The following TRIM10 variants were observed in gnomAD, a reference collection of about 807,000 sequenced individuals.
The protein encoded by TRIM10 is tripartite motif containing 10, also known as tripartite motif-containing protein 10.
A neutral mutation model predicts 40.0 loss-of-function variants in TRIM10; 42 were observed. The observed-to-expected ratio is 1.05, with a 90% CI of 0.82 to 1.36. The LOEUF (loss-of-function observed/expected upper bound fraction) is 1.36, where lower values mean the gene tolerates loss of function less well. Ranked by LOEUF, TRIM10 falls within the 40% of genes most tolerant of loss-of-function variation. The pLI, the probability that TRIM10 is intolerant of heterozygous loss-of-function variation, is 0.00. For missense variants in TRIM10, 601 were observed against 608.3 expected, an observed-to-expected ratio of 0.99 and a Z score of 0.13; for synonymous variants, 260 against 239.5, an observed-to-expected ratio of 1.09 and a Z score of -0.79.
rs1772802231 is a variant in TRIM10, at chr6:30,158,678, C to T, written c.526-49G>A. 4.8e-6 allele frequency: 7 copies of T among 1,452,444 alleles called. No individual in the cohort carries two copies. The South Asian group carries it at 8.0e-5, about 17-fold the overall frequency. 90.0% of individuals were successfully genotyped at this position (1,452,444 alleles called of 1,614,324 possible). On this transcript the variant is annotated intron_variant, in intron 2 of 6. Transcript: ENST00000449742. ...AAGAGAAAGTTTGCTTCCTCCTTCTCCCTCTGCTCCTCTTCCTCCCCTGTC... is the reference window on the plus strand; with the variant it reads ...AAGAGAAAGTTTGCTTCCTCCTTCTTCCTCTGCTCCTCTTCCTCCCCTGTC...
At chr6:30,163,466 G>A (rs946248235), upstream of TRIM10, 8 of 621,656 alleles carry the variant, frequency 1.3e-5, no homozygotes, top group African/African-American at 5.5e-5. Context: ...GACCCACTCC[G>A]CTGATAGGTG....
At chr6:30,162,946 A>G (rs938266380), upstream of TRIM10, among the ~76,000 whole-genome samples, 217 of 146,562 alleles carry the variant, frequency 1.5e-3, no homozygotes, top group African/African-American at 3.7e-3. Flanking sequence ...AAATAAATAA[A>G]TAAATAAATA....
At chr6:30,158,713 A>G (rs1772806324) in intron 2 of TRIM10, 84 bp from the exon 3 acceptor site, 1 of 1,088,612 alleles carries the variant, frequency 9.2e-7, no homozygotes, top group Non-Finnish European at 1.4e-6. Flanking sequence ...CCCCAGGTAG[A>G]TCTGGAACTG....
upstream of TRIM10, chr6:30,163,828 C>G (rs775218966): frequency 5.6e-6 from 9 of 1,613,060 alleles, no homozygotes; most frequent in South Asian, 9.9e-5. Flanking sequence ...AGATGGGGGC[C>G]CAATCCTCGG....
At position 30,154,383 on chromosome 6, in the gene TRIM10, G is replaced by A. The variant is rs755239950; in HGVS notation, c.1032C>T (p.Asn344=). The change falls in exon 7 of 7, where the codon AAC becomes AAT. Residue 344 remains asparagine (N), a synonymous_variant. Transcript: ENST00000449742. ...AGGTGGCCCGGTCAAAACGTTGGGG[G>A]TTGTCTGGTGAGTTCTGCCATTTGT... ...FSYKWQNSPD[N]PQRFDRATCV... The A allele has an allele frequency of 1.9e-6, 3 of 1,613,002 alleles. No individual in the cohort carries two copies. The highest frequency in any genetic ancestry group is 2.5e-6 in the Non-Finnish European group (3 of 1,179,978).
rs1199508178 is a variant in TRIM10 at position 30,160,458 on chromosome 6, A to G, written c.401T>C (p.Phe134Ser). 9 of 1,613,984 alleles carry G rather than the reference A, an allele frequency of 5.6e-6. No individual in the cohort carries two copies. The highest frequency in any genetic ancestry group is 7.6e-6 in the Non-Finnish European group (9 of 1,180,012). ...ATAGGGAGCCGCTGCATCCTCCAGG[A>G]AGCGCATGGTGTGGGTAGCGTGCTC... ...AGEHATHTMR[F>S]LEDAAAPYRE... The change falls in exon 1 of 7, where the codon TTC becomes TCC. Residue 134 changes from phenylalanine to serine, a missense_variant. Transcript: ENST00000449742.
At chr6:30,163,566 G>A, upstream of TRIM10, 1 of 1,311,782 alleles carries the variant, frequency 7.6e-7, no homozygotes, top group Non-Finnish European at 1.0e-6. Flanking sequence ...CTCTCTCTCT[G>A]TCTCTTAGCC....
chr6:30,163,714 C>G, upstream of TRIM10: 1 of 1,612,112 alleles, frequency 6.2e-7, no homozygotes, highest in Non-Finnish European at 8.5e-7. Flanking sequence ...TGAAGGTGGT[C>G]CATGAGCTGC....
In TRIM10 at chr6:30,152,856, T is replaced by G. The variant is rs2857433; in HGVS notation, c.*1113A>C. 0.21 allele frequency: 32,094 copies of G among 152,184 alleles called. 3,768 individuals carry two copies. The highest frequency in any genetic ancestry group is 0.25 in the Non-Finnish European group (16,670 of 67,990). 9.4% of individuals were successfully genotyped at this position (152,184 alleles called of 1,614,324 possible). On this transcript the variant is annotated 3_prime_UTR_variant, in exon 7 of 7. Transcript: ENST00000449742. Reference sequence around the variant, plus strand: ...GTAGTCTCAATTCTTTAGACTAAAGTTCATAGGTCATCCAACTTATGCCCT... The same window carrying G: ...GTAGTCTCAATTCTTTAGACTAAAGGTCATAGGTCATCCAACTTATGCCCT...
At chr6:30,155,312 C>T (rs1480471228) in intron 6 of TRIM10, among the ~76,000 whole-genome samples, 2 of 152,096 alleles carry the variant, frequency 1.3e-5, no homozygotes, top group African/African-American at 2.4e-5. Flanking sequence ...GGGTTCCTTA[C>T]GTTCTAAAGA....
intron 1 of TRIM10, among the ~76,000 whole-genome samples, chr6:30,160,051 C>T (rs115407187): frequency 6.6e-6 from 1 of 152,324 alleles, no homozygotes; most frequent in African/African-American, 2.4e-5. Flanking sequence ...CTCAGACTCC[C>T]ATCCAAACAC....
rs1301055186 is a variant in TRIM10 at position 30,153,480 on chromosome 6, A to G, written c.*489T>C. Reference sequence around the variant, plus strand: ...TATAGAGCAGGTTTTTTTTTTCTCTATATTTTCAAGTCACCAGTGGCCACC... The same window carrying G: ...TATAGAGCAGGTTTTTTTTTTCTCTGTATTTTCAAGTCACCAGTGGCCACC... On this transcript the variant is annotated 3_prime_UTR_variant, in exon 7 of 7. Coordinates refer to ENST00000449742, the MANE Select transcript of TRIM10 (RefSeq NM_006778.4). 3.6e-6 allele frequency: 2 copies of G among 563,360 alleles called. No individual in the cohort carries two copies. The highest frequency in any genetic ancestry group is 6.3e-6 in the Non-Finnish European group (2 of 318,446). 34.9% of individuals were successfully genotyped at this position (563,360 alleles called of 1,614,324 possible). A position where few individuals can be genotyped will look rare whatever the true frequency, so the allele number is the denominator to read the frequency against.
Position 30,158,576 on chromosome 6 carries a change from C to A in TRIM10, c.579G>T (p.Arg193Ser), listed in dbSNP as rs777714494. 6.2e-7 allele frequency: 1 copy of A among 1,613,070 alleles called. No individual in the cohort carries two copies. The highest frequency in any genetic ancestry group is 8.5e-7 in the Non-Finnish European group (1 of 1,180,026). Residue 193 changes from arginine to serine, a missense_variant, in exon 3 of 7, where the codon AGG becomes AGT. Transcript: ENST00000449742. ...TGCTCTGCTGTTCCTCTAGAAACTT[C>A]CTCAGGTGTGCGAACTCAGAAATCA... ...QQVISEFAHL[R>S]KFLEEQQSIL...
At chr6:30,157,195 CAT>C in intron 4 of TRIM10, 141 bp from the exon 5 acceptor site, 2 of 1,116,804 alleles carry the variant, frequency 1.8e-6, no homozygotes, top group South Asian at 3.0e-5. Context: ...TCCCACTGCC[CAT>C]TTTTGGGCAT....
chr6:30,158,322 G>T, intron 3 of TRIM10, 77 bp downstream of exon 3: 1 of 1,248,298 alleles, frequency 8.0e-7, no homozygotes, highest in Non-Finnish European at 1.2e-6. Context: ...GAGTCAGGGA[G>T]ACATGGCTTA....
At chr6:30,163,950 A>T, upstream of TRIM10, 1 of 1,613,128 alleles carries the variant, frequency 6.2e-7, no homozygotes, top group Non-Finnish European at 8.5e-7. Context: ...CACGGCGAGA[A>T]GATCTACTTC....
At chr6:30,163,790 T>A, upstream of TRIM10, 1 of 1,613,006 alleles carries the variant, frequency 6.2e-7, no homozygotes, top group Non-Finnish European at 8.5e-7. Context: ...ACACACCTTC[T>A]GCCGGCTCTG....
At chr6:30,159,732 G>T (rs1367729056) in intron 1 of TRIM10, among the ~76,000 whole-genome samples, 2 of 152,164 alleles carry the variant, frequency 1.3e-5, no homozygotes, top group Non-Finnish European at 2.9e-5. Flanking sequence ...TTGATAAATT[G>T]TTTTCAAAAT....
intron 2 of TRIM10, 62 bp downstream of exon 2, chr6:30,159,088 G>T: frequency 1.8e-6 from 2 of 1,127,550 alleles, no homozygotes; most frequent in Non-Finnish European, 2.7e-6. Context: ...TGTTGCCTCA[G>T]TTTCAGGAAG....
Sources: gnomAD v4.1 joint callset for allele counts (sites outside exome capture counted in the v4.1 genomes callset) on GRCh38, gnomAD v4.1.1 for gene constraint, MANE v1.5 for transcripts, NCBI Gene and HGNC (gene_info 2026-07-23, HGNC 2026-07-21) for gene names.